Variants in MID1 observed in about 807,000 individuals in gnomAD.
MID1 encodes the protein midline 1.
In MID1, 7 loss-of-function variants were observed where a neutral mutation model predicts 40.4. That is an observed-to-expected ratio of 0.17 (90% CI 0.10 to 0.33). MID1 has a LOEUF of 0.33. MID1 is among the 10% of genes least tolerant of loss of function. The pLI is 1.00. For missense variants in MID1, 367 were observed against 558.5 expected (o/e 0.66, Z 3.46); for synonymous variants, 229 against 221.2 (o/e 1.04, Z -0.31).
intron 2 of MID1, among the ~76,000 whole-genome samples, chrX:10,563,693 CTT>C (rs762561314): frequency 8.9e-6 from 1 of 111,894 alleles, no homozygotes; most frequent in South Asian, 3.7e-4. Context: ...TTAATTTTCT[CTT>C]TGCTTCAATA....
intron 1 of MID1, among the ~76,000 whole-genome samples, chrX:10,817,063 C>A (rs1415427021): frequency 1.8e-5 from 2 of 112,185 alleles, no homozygotes; most frequent in Non-Finnish European, 1.9e-5. Flanking sequence ...TTAGGTGTAT[C>A]TGCCTTGTTA....
chrX:10,786,068 C>T (rs1468387014), intron 1 of MID1, among the ~76,000 whole-genome samples: 3 of 110,468 alleles, frequency 2.7e-5, no homozygotes, highest in Admixed American at 9.7e-5. Context: ...AATCTACTCA[C>T]CTGACAAAGG....
chrX:10,556,548 T>C (rs1934129201), intron 2 of MID1, among the ~76,000 whole-genome samples: 1 of 112,109 alleles, frequency 8.9e-6, no homozygotes, highest in Non-Finnish European at 1.9e-5. Context: ...CTGAGTAATT[T>C]ATGATACTGT....
chrX:10,726,506 G>C lies in MID1; in HGVS notation c.-186-106087C>G, dbSNP rs142792535. On this transcript the variant is annotated intron_variant, in intron 1 of 10. Transcript: ENST00000380785. ...TTTAGTTGAGTGTTTCTTTCTCTGA[G>C]GAAAAAAAAAAACAGAATAAGAGAT... Among the ~76,000 whole-genome samples, 676 of 99,903 alleles carry C rather than the reference G, an allele frequency of 6.8e-3. 9 individuals are homozygous for C. Among genetic ancestry groups the C allele is most frequent in the African/African-American group, 0.029 (650 of 22,257 alleles). 86.8% of individuals were successfully genotyped at this position (99,903 alleles called of 115,157 possible). A position where few individuals can be genotyped will look rare whatever the true frequency, so the allele number is the denominator to read the frequency against.
chrX:10,738,628 C>A (rs767767410), intron 1 of MID1, among the ~76,000 whole-genome samples: 1 of 109,529 alleles, frequency 9.1e-6, no homozygotes, highest in South Asian at 4.0e-4. Context: ...TAAGTATATC[C>A]CATGCAAAGA....
chrX:10,479,880 A>G (rs1202864480), intron 5 of MID1, among the ~76,000 whole-genome samples: 1 of 111,871 alleles, frequency 8.9e-6, no homozygotes, highest in Non-Finnish European at 1.9e-5. Flanking sequence ...GCTGGATTAT[A>G]TGATAGCTTA....
chrX:10,777,808 C>T (rs113135527), intron 1 of MID1, among the ~76,000 whole-genome samples: 11,706 of 111,567 alleles, frequency 0.1, 1,475 homozygotes, highest in African/African-American at 0.36. Context: ...CAAATCTATT[C>T]TTTTTAACTT....
intron 1 of MID1, among the ~76,000 whole-genome samples, chrX:10,737,221 C>T (rs2043493672): frequency 8.9e-6 from 1 of 112,400 alleles, no homozygotes; most frequent in Non-Finnish European, 1.9e-5. Flanking sequence ...AACATAAGCT[C>T]CAAGGATGAG....
At chrX:10,505,698 G>A (rs1931794601) in intron 3 of MID1, 1 of 752,788 alleles carries the variant, frequency 1.3e-6, no homozygotes, top group African/African-American at 2.3e-5. Context: ...CAGGAAAGAT[G>A]GAGGTGACGT....
At chrX:10,534,242 T>A (rs1933154071) in intron 2 of MID1, among the ~76,000 whole-genome samples, 1 of 111,996 alleles carries the variant, frequency 8.9e-6, no homozygotes. Flanking sequence ...CTAATGAACA[T>A]GTTCTGGTCT....
chrX:10,760,560 G>A (rs1217985063), intron 1 of MID1, among the ~76,000 whole-genome samples: 1 of 111,894 alleles, frequency 8.9e-6, no homozygotes, highest in Non-Finnish European at 1.9e-5. Context: ...AGGTCGGGGT[G>A]CAGTGGCTCT....
At chrX:10,577,216 G>A (rs1386105927) in intron 1 of MID1, among the ~76,000 whole-genome samples, 2 of 111,796 alleles carry the variant, frequency 1.8e-5, no homozygotes, top group Non-Finnish European at 3.8e-5. Flanking sequence ...ATGAGACACT[G>A]TCCTGTGGCA....
At chrX:10,763,271 G>A (rs945581821) in intron 1 of MID1, among the ~76,000 whole-genome samples, 10 of 109,293 alleles carry the variant, frequency 9.1e-5, no homozygotes, top group African/African-American at 3.0e-4. Context: ...CCATCAACCC[G>A]TCATCTAACA....
chrX:10,594,658 C>T (rs184317534), intron 1 of MID1, among the ~76,000 whole-genome samples: 8 of 111,418 alleles, frequency 7.2e-5, no homozygotes, highest in African/African-American at 1.3e-4. Context: ...GGAAGTACTG[C>T]GGATTATTAC....
At chrX:10,723,010 T>C (rs2043367901) in intron 1 of MID1, among the ~76,000 whole-genome samples, 1 of 110,985 alleles carries the variant, frequency 9.0e-6, no homozygotes, top group Admixed American at 9.7e-5. Context: ...CAGTGAGTTT[T>C]CTACTGGGCC....
intron 1 of MID1, among the ~76,000 whole-genome samples, chrX:10,619,308 A>C (rs1259434866): frequency 8.9e-6 from 1 of 112,463 alleles, no homozygotes; most frequent in African/African-American, 3.2e-5. Context: ...AAAAGTGAAG[A>C]GCTTTTCCGG....
intron 2 of MID1, among the ~76,000 whole-genome samples, chrX:10,557,791 C>T (rs1934178516): frequency 8.9e-6 from 1 of 111,940 alleles, no homozygotes; most frequent in African/African-American, 3.3e-5. Context: ...GTGTCTGTAC[C>T]TAAGAGCCAA....
Position 10,543,157 on chromosome X carries a change from T to C in MID1, c.661-19970A>G, listed in dbSNP as rs752890194. Among the ~76,000 whole-genome samples, 22 of 112,303 alleles carry C rather than the reference T, an allele frequency of 2.0e-4. No individual in the cohort carries two copies. The South Asian group carries it at 4.9e-3, about 25-fold the overall frequency. ...AGCCACACAAGTACAGCACTGGGAA[T>C]GTACTCAGGCTCTCCTATCAACGAT... On this transcript the variant is annotated intron_variant, in intron 2 of 9. Coordinates refer to ENST00000317552, the MANE Select transcript of MID1 (RefSeq NM_000381.4).
chrX:10,653,369 C>G (rs1936337141), intron 1 of MID1, among the ~76,000 whole-genome samples: 1 of 112,688 alleles, frequency 8.9e-6, no homozygotes, highest in Non-Finnish European at 1.9e-5. Context: ...TTGGGCAAAA[C>G]CAGTTCAGCA....
Sources: allele counts gnomAD v4.1 joint callset (sites outside exome capture counted in the v4.1 genomes callset), GRCh38; gene constraint gnomAD v4.1.1; transcripts MANE v1.5; gene names NCBI Gene and HGNC (gene_info 2026-07-23, HGNC 2026-07-21).